The following ADAM12 variants were observed in gnomAD, a reference collection of about 807,000 sequenced individuals.
ADAM12 encodes the protein disintegrin and metalloproteinase domain-containing protein 12.
ADAM12 carries 70 observed loss-of-function variants against 106.4 expected under a neutral mutation model. That is an observed-to-expected ratio of 0.66 (90% CI 0.54 to 0.80). ADAM12 has a LOEUF of 0.80. Ranked by LOEUF, ADAM12 falls within the 30% of genes least tolerant of loss-of-function variation. The probability of loss-of-function intolerance (pLI) is 0.00; values close to 1 mark genes in which losing one functional copy is unlikely to be tolerated. For synonymous variants in ADAM12, 420 were observed against 433.5 expected (o/e 0.97, Z 0.39); for missense variants, 1,010 against 1,171.9 (o/e 0.86, Z 2.02).
intron 2 of ADAM12, among the ~76,000 whole-genome samples, chr10:126,301,254 T>C (rs1960611720): frequency 6.6e-6 from 1 of 152,230 alleles, no homozygotes; most frequent in Non-Finnish European, 1.5e-5. Context: ...AACCAGATGG[T>C]CTATAACCTT....
intron 11 of ADAM12, among the ~76,000 whole-genome samples, chr10:126,091,442 T>C (rs1053328867): frequency 6.6e-6 from 1 of 152,148 alleles, no homozygotes; most frequent in African/African-American, 2.4e-5. Context: ...TTGCTTTCCA[T>C]CTGAGAAAAT....
chr10:126,343,859 C>T (rs541369388), intron 1 of ADAM12, among the ~76,000 whole-genome samples: 3 of 152,272 alleles, frequency 2.0e-5, no homozygotes, highest in Admixed American at 6.5e-5. Flanking sequence ...ATCCTTCACC[C>T]ACTTTTTGAT....
At chr10:126,072,171 C>T (rs1357963920) in intron 11 of ADAM12, among the ~76,000 whole-genome samples, 1 of 152,120 alleles carries the variant, frequency 6.6e-6, no homozygotes, top group Non-Finnish European at 1.5e-5. Flanking sequence ...AAGGCCAAGT[C>T]CCTATCTTCC....
At chr10:126,181,338 C>T (rs887543312) in intron 3 of ADAM12, among the ~76,000 whole-genome samples, 3 of 152,104 alleles carry the variant, frequency 2.0e-5, no homozygotes, top group Non-Finnish European at 4.4e-5. Context: ...TTCCAAAGTG[C>T]TGGGATTATA....
At chr10:126,151,891 G>A (rs1160900465) in intron 4 of ADAM12, among the ~76,000 whole-genome samples, 1 of 151,242 alleles carries the variant, frequency 6.6e-6, no homozygotes, top group East Asian at 1.9e-4. Context: ...ATCCCTCTTT[G>A]CATTCTTAAT....
At chr10:126,125,358 C>A (rs1956188001) in intron 5 of ADAM12, among the ~76,000 whole-genome samples, 1 of 150,988 alleles carries the variant, frequency 6.6e-6, no homozygotes. Context: ...GATTCTCCTG[C>A]CTCAGCCTCC....
intron 21 of ADAM12, among the ~76,000 whole-genome samples, chr10:126,024,639 C>A (rs1484544251): frequency 6.6e-6 from 1 of 152,030 alleles, no homozygotes; most frequent in Admixed American, 6.6e-5. Context: ...TTTCCAAGAT[C>A]TAATGGTAGC....
chr10:126,137,477 C>T (rs1590478202), intron 4 of ADAM12, among the ~76,000 whole-genome samples: 1 of 152,334 alleles, frequency 6.6e-6, no homozygotes, highest in Admixed American at 6.5e-5. Context: ...CTCATCACCA[C>T]TAATTGATTC....
chr10:126,381,987 A>C (rs573349172), intron 1 of ADAM12, among the ~76,000 whole-genome samples: 1 of 147,060 alleles, frequency 6.8e-6, no homozygotes, highest in African/African-American at 2.5e-5. Context: ...AAAAAAAAAA[A>C]CAATAATAAT....
At chr10:126,315,849 T>C (rs1260669897) in intron 2 of ADAM12, among the ~76,000 whole-genome samples, 1 of 152,254 alleles carries the variant, frequency 6.6e-6, no homozygotes, top group Non-Finnish European at 1.5e-5. Context: ...CAATGCTCTT[T>C]ATAAGCAAAG....
intron 5 of ADAM12, among the ~76,000 whole-genome samples, chr10:126,131,389 G>A (rs1252427058): frequency 6.6e-6 from 1 of 151,990 alleles, no homozygotes; most frequent in Non-Finnish European, 1.5e-5. Context: ...CTTGCTTTTT[G>A]AGCATGGAAG....
In ADAM12 at chr10:126,014,172, A is replaced by T. The variant is rs1019783398; in HGVS notation, c.*3107T>A. 2.0e-5 allele frequency: 3 copies of T among 152,468 alleles called. No individual in the cohort carries two copies. The highest frequency in any genetic ancestry group is 4.4e-5 in the Non-Finnish European group (3 of 68,336). The allele number at this position is 152,468 out of a possible 1,614,324, so 9.4% of individuals were successfully genotyped here. A position where few individuals can be genotyped will look rare whatever the true frequency, so the allele number is the denominator to read the frequency against. On this transcript the variant is annotated 3_prime_UTR_variant, in exon 23 of 23. Coordinates refer to ENST00000448723, the MANE Select transcript of ADAM12 (RefSeq NM_001288973.2). ...TGCCCTTTCTGCTGCTGGGGGTCTC[A>T]TTGGCTCAGAGTGCTTAGTAAACAT...
At chr10:126,040,985 A>G (rs1483895993) in intron 18 of ADAM12, among the ~76,000 whole-genome samples, 1 of 151,500 alleles carries the variant, frequency 6.6e-6, no homozygotes, top group African/African-American at 2.4e-5. Flanking sequence ...GCCAGTCCAC[A>G]CTCCTCTAGA....
intron 2 of ADAM12, among the ~76,000 whole-genome samples, chr10:126,298,544 T>C (rs916977821): frequency 1.3e-5 from 2 of 152,066 alleles, no homozygotes; most frequent in Non-Finnish European, 2.9e-5. Flanking sequence ...ATATGGGACA[T>C]GGTGAAAGGT....
At chr10:126,042,257 C>A in intron 18 of ADAM12, 3 of 1,611,604 alleles carry the variant, frequency 1.9e-6, no homozygotes, top group Non-Finnish European at 2.5e-6. Context: ...AAAGAGGCAT[C>A]ATTTAGACTT....
At chr10:126,106,610 C>T (rs549851363) in intron 8 of ADAM12, among the ~76,000 whole-genome samples, 38 of 151,912 alleles carry the variant, frequency 2.5e-4, no homozygotes, top group African/African-American at 8.2e-4. Context: ...CTCAGCCTCC[C>T]GAGTAGCTGG....
intron 1 of ADAM12, among the ~76,000 whole-genome samples, chr10:126,375,145 G>A (rs975204442): frequency 1.3e-5 from 2 of 151,560 alleles, no homozygotes; most frequent in Non-Finnish European, 2.9e-5. Context: ...ACATTTTCCA[G>A]GCAAACAAAT....
At chr10:126,265,378 C>T (rs1415077882) in intron 3 of ADAM12, among the ~76,000 whole-genome samples, 1 of 152,118 alleles carries the variant, frequency 6.6e-6, no homozygotes, top group Non-Finnish European at 1.5e-5. Context: ...TTGCAGGACC[C>T]AAGGAAAGAA....
At chr10:126,165,510 G>T (rs1354600557) in intron 3 of ADAM12, among the ~76,000 whole-genome samples, 1 of 152,180 alleles carries the variant, frequency 6.6e-6, no homozygotes, top group African/African-American at 2.4e-5. Context: ...AAGAGACTCT[G>T]CAGGGTAAGG....
Sources: gnomAD v4.1 joint callset for allele counts (sites outside exome capture counted in the v4.1 genomes callset) on GRCh38, gnomAD v4.1.1 for gene constraint, MANE v1.5 for transcripts, NCBI Gene and HGNC (gene_info 2026-07-23, HGNC 2026-07-21) for gene names.